Variants in RTN4 observed in about 807,000 individuals in gnomAD.
The protein encoded by RTN4 is reticulon 4.
In RTN4, 32 loss-of-function variants were observed where a neutral mutation model predicts 90.4. The observed-to-expected ratio is 0.35, with a 90% CI of 0.27 to 0.48. The LOEUF (loss-of-function observed/expected upper bound fraction) is 0.48, where lower values mean the gene tolerates loss of function less well. Among genes scored for constraint, RTN4 ranks in the 20% least tolerant of loss-of-function variants. RTN4 has a pLI of 0.99. For missense variants in RTN4, 1,706 were observed against 1,430.2 expected (o/e 1.19, Z -3.11); for synonymous variants, 629 against 552.5 (o/e 1.14, Z -1.94).
chr2:55,118,013 G>A, the RTN4 span, among the ~76,000 whole-genome samples: 1 of 152,162 alleles, frequency 6.6e-6, no homozygotes, highest in Non-Finnish European at 1.5e-5. Flanking sequence ...ACAAAGGTTG[G>A]TTTGTTTGGG....
intron 1 of RTN4, among the ~76,000 whole-genome samples, chr2:55,090,060 A>G (rs1668910110): frequency 6.6e-6 from 1 of 152,172 alleles, no homozygotes; most frequent in African/African-American, 2.4e-5. Flanking sequence ...TATTTAATGA[A>G]AGTCTTTTTT....
chr2:55,002,480 T>C (rs1453972458), intron 3 of RTN4, among the ~76,000 whole-genome samples: 1 of 152,236 alleles, frequency 6.6e-6, no homozygotes, highest in African/African-American at 2.4e-5. Context: ...AAGAGAAAAG[T>C]GAAGTTCAAT....
At chr2:55,083,216 C>T (rs115515625) in intron 1 of RTN4, among the ~76,000 whole-genome samples, 3,775 of 152,256 alleles carry the variant, frequency 0.025, 79 homozygotes, top group South Asian at 0.035. Flanking sequence ...GGATGTGGGG[C>T]TGGGTGTGGT....
intron 2 of RTN4, among the ~76,000 whole-genome samples, chr2:55,066,192 TTTGTGTG>T (rs1558865065): frequency 4.9e-4 from 67 of 135,608 alleles, no homozygotes; most frequent in East Asian, 1.3e-3. Context: ...TGTGTGTGTG[TTTGTGTG>T]TGTGTGTGTG....
At chr2:55,103,863 T>G (rs1667896886) in intron 1 of RTN4, among the ~76,000 whole-genome samples, 1 of 150,442 alleles carries the variant, frequency 6.6e-6, no homozygotes, top group African/African-American at 2.5e-5. Flanking sequence ...CCCGCCTAAT[T>G]TTTGTATATT....
chr2:55,091,506 A>G (rs1668934426), intron 1 of RTN4, among the ~76,000 whole-genome samples: 1 of 152,164 alleles, frequency 6.6e-6, no homozygotes, highest in Non-Finnish European at 1.5e-5. Context: ...GCTTGATTAC[A>G]AATTTTTCAT....
intron 2 of RTN4, among the ~76,000 whole-genome samples, chr2:55,069,051 G>T (rs975606238): frequency 6.6e-6 from 1 of 152,206 alleles, no homozygotes; most frequent in South Asian, 2.1e-4. Context: ...ACAAGGGGTG[G>T]GGAGAGGGCA....
chr2:55,046,309 T>C (rs1372079880), intron 1 of RTN4, among the ~76,000 whole-genome samples: 1 of 152,176 alleles, frequency 6.6e-6, no homozygotes, highest in South Asian at 2.1e-4. Flanking sequence ...AAGCTAAACA[T>C]TTTTACCATT....
At chr2:54,990,398 G>A (rs1678908476) in intron 3 of RTN4, among the ~76,000 whole-genome samples, 1 of 152,008 alleles carries the variant, frequency 6.6e-6, no homozygotes, top group African/African-American at 2.4e-5. Context: ...GCTATGATTT[G>A]TCAATAAAAA....
intron 1 of RTN4, among the ~76,000 whole-genome samples, chr2:55,089,574 T>G (rs893118473): frequency 1.3e-5 from 2 of 152,258 alleles, no homozygotes; most frequent in Admixed American, 6.5e-5. Context: ...TGGATGTACT[T>G]AAAATTCAGC....
At chr2:55,126,798 G>A in the RTN4 span, among the ~76,000 whole-genome samples, 2 of 151,806 alleles carry the variant, frequency 1.3e-5, no homozygotes, top group Non-Finnish European at 2.9e-5. Flanking sequence ...GTGACAGATT[G>A]GATAAAGAAA....
intron 3 of RTN4, among the ~76,000 whole-genome samples, chr2:55,020,414 A>AT (rs1260361203): frequency 1.7e-5 from 2 of 116,098 alleles, no homozygotes; most frequent in East Asian, 4.5e-4. Flanking sequence ...TAGCCAATCA[A>AT]TTTTTGGAAA....
rs199901043 is a variant in RTN4 at position 55,010,131 on chromosome 2, G to A, written c.3013+14955C>T. The A allele has an allele frequency of 4.1e-4, 661 of 1,613,332 alleles. 2 individuals are homozygous for A. In the African/African-American group the frequency reaches 5.6e-3, roughly 14 times the overall value. ...CTTCTGACCGTCCATCTCTTGTCACGATCTGCTTTGCAGCTCCAATTATTA... is the reference window on the plus strand; with the variant it reads ...CTTCTGACCGTCCATCTCTTGTCACAATCTGCTTTGCAGCTCCAATTATTA... On this transcript the variant is annotated intron_variant, in intron 3 of 8. Transcript: ENST00000337526.
At chr2:55,041,965 A>G (rs1683105445) in intron 1 of RTN4, among the ~76,000 whole-genome samples, 1 of 152,234 alleles carries the variant, frequency 6.6e-6, no homozygotes, top group Middle Eastern at 3.4e-3. Context: ...AAGACATATG[A>G]CAAAAGGCTA....
chr2:54,990,586 T>A (rs1205632250), intron 3 of RTN4, among the ~76,000 whole-genome samples: 1 of 152,150 alleles, frequency 6.6e-6, no homozygotes, highest in Non-Finnish European at 1.5e-5. Flanking sequence ...AAATAGTAAA[T>A]ACATAAAGAA....
chr2:55,084,722 T>G (rs1352912794), intron 1 of RTN4, among the ~76,000 whole-genome samples: 2 of 152,202 alleles, frequency 1.3e-5, no homozygotes, highest in Admixed American at 6.5e-5. Flanking sequence ...AGTCAATGTC[T>G]GCCAAGAAGT....
intron 1 of RTN4, among the ~76,000 whole-genome samples, chr2:55,081,606 G>C (rs1282489805): frequency 6.6e-6 from 1 of 152,080 alleles, no homozygotes; most frequent in Non-Finnish European, 1.5e-5. Context: ...GCTCAGACCT[G>C]TAATCCCAGC....
chr2:55,047,327 C>CAA (rs71799240), intron 1 of RTN4, among the ~76,000 whole-genome samples: 10 of 109,770 alleles, frequency 9.1e-5, no homozygotes, highest in Non-Finnish European at 1.2e-4. Flanking sequence ...GAGACTATCT[C>CAA]AAAAAAAAAA....
At chr2:55,030,055 T>C (rs1682191377) in intron 1 of RTN4, among the ~76,000 whole-genome samples, 1 of 152,188 alleles carries the variant, frequency 6.6e-6, no homozygotes, top group African/African-American at 2.4e-5. Flanking sequence ...AACAAAATGG[T>C]TGTCTTTTTT....
Sources: allele counts gnomAD v4.1 joint callset (sites outside exome capture counted in the v4.1 genomes callset), GRCh38; gene constraint gnomAD v4.1.1; transcripts MANE v1.5; gene names NCBI Gene and HGNC (gene_info 2026-07-23, HGNC 2026-07-21).